The following ZNF398 variants were observed in gnomAD, a reference collection of about 807,000 sequenced individuals.
The protein encoded by ZNF398 is zinc finger DNA binding protein ZER6.
A neutral mutation model predicts 41.9 loss-of-function variants in ZNF398; 18 were observed. The ratio of observed to expected loss-of-function variants is 0.43; its 90% CI spans 0.30 to 0.64. ZNF398 has a LOEUF of 0.64. Among genes scored for constraint, ZNF398 ranks in the 30% least tolerant of loss-of-function variants. The pLI is 0.14. For synonymous variants in ZNF398, 260 were observed against 308.8 expected, an observed-to-expected ratio of 0.84 and a Z score of 1.66; for missense variants, 669 against 822.8, an observed-to-expected ratio of 0.81 and a Z score of 2.29.
At chr7:149,161,996 CTA>C (rs546780108) in intron 2 of ZNF398, among the ~76,000 whole-genome samples, 1 of 152,076 alleles carries the variant, frequency 6.6e-6, no homozygotes, top group South Asian at 2.1e-4. Context: ...GAAAAAAACT[CTA>C]AAATTTGAAT....
intron 2 of ZNF398, among the ~76,000 whole-genome samples, chr7:149,140,708 T>C (rs936934573): frequency 5.3e-5 from 8 of 151,820 alleles, no homozygotes; most frequent in African/African-American, 1.9e-4. Flanking sequence ...TAGAAACGAA[T>C]GTTTAACAAT....
At chr7:149,169,129 C>T (rs766774960) in intron 4 of ZNF398, among the ~76,000 whole-genome samples, 4 of 152,140 alleles carry the variant, frequency 2.6e-5, no homozygotes, top group South Asian at 4.1e-4. Context: ...TTTGTGATAA[C>T]GTATCAAAGT....
exon 1 of ZNF398, chr7:149,126,528 A>T (rs1462884456): frequency 2.1e-6 from 1 of 484,748 alleles, no homozygotes; most frequent in Non-Finnish European, 3.6e-6. Flanking sequence ...CGAAGACGAG[A>T]TGAGGGAGCT....
upstream of ZNF398, among the ~76,000 whole-genome samples, chr7:149,146,571 G>A (rs1826947642): frequency 6.6e-6 from 1 of 151,480 alleles, no homozygotes; most frequent in African/African-American, 2.4e-5. Flanking sequence ...AAATAAGGCC[G>A]GGCGCAATGG....
At chr7:149,168,643 A>G (rs537923325) in intron 4 of ZNF398, among the ~76,000 whole-genome samples, 3 of 152,128 alleles carry the variant, frequency 2.0e-5, no homozygotes, top group Non-Finnish European at 4.4e-5. Context: ...ATCCTGGCTC[A>G]CTGCAACCTC....
At chr7:149,165,119 G>GAAA (rs934805814) in intron 2 of ZNF398, among the ~76,000 whole-genome samples, 1 of 150,892 alleles carries the variant, frequency 6.6e-6, no homozygotes, top group African/African-American at 2.4e-5. Flanking sequence ...AAGAAAGAAA[G>GAAA]AAAATGCAGA....
At chr7:149,137,593 G>T (rs1054446291) in intron 2 of ZNF398, among the ~76,000 whole-genome samples, 12 of 152,018 alleles carry the variant, frequency 7.9e-5, no homozygotes, top group African/African-American at 2.9e-4. Flanking sequence ...TATTGGTCAG[G>T]CTGGTCTTGA....
chr7:149,143,137 T>A (rs1319507185), upstream of ZNF398, among the ~76,000 whole-genome samples: 1 of 90,660 alleles, frequency 1.1e-5, no homozygotes, highest in African/African-American at 3.5e-5. Context: ...CGAGACTCCA[T>A]CTCAAAAAAG....
intron 4 of ZNF398, among the ~76,000 whole-genome samples, chr7:149,167,846 C>T (rs985619932): frequency 1.2e-4 from 18 of 151,820 alleles, no homozygotes; most frequent in Admixed American, 9.8e-4. Flanking sequence ...CTCCTGACCT[C>T]GTGATCCACC....
At chr7:149,177,884 C>T (rs1332429976) in intron 5 of ZNF398, among the ~76,000 whole-genome samples, 1 of 152,176 alleles carries the variant, frequency 6.6e-6, no homozygotes, top group African/African-American at 2.4e-5. Context: ...TGTGGTGGCT[C>T]ATGCCTGTAA....
At chr7:149,143,234 G>A (rs1213553660), upstream of ZNF398, among the ~76,000 whole-genome samples, 1 of 152,200 alleles carries the variant, frequency 6.6e-6, no homozygotes, top group African/African-American at 2.4e-5. Flanking sequence ...GCAAGGTGGT[G>A]CAATTATTAC....
chr7:149,167,634 CT>C (rs1163487497), intron 4 of ZNF398, among the ~76,000 whole-genome samples: 150 of 133,954 alleles, frequency 1.1e-3, no homozygotes, highest in East Asian at 2.7e-3. Context: ...TTTTTCTTTT[CT>C]TTTTTTTTTT....
chr7:149,165,891 A>G (rs1218863421), intron 2 of ZNF398, among the ~76,000 whole-genome samples: 1 of 152,198 alleles, frequency 6.6e-6, no homozygotes, highest in Non-Finnish European at 1.5e-5. Context: ...TAGATATTTT[A>G]TTACTGCTTA....
At chr7:149,159,726 A>G (rs1403531635) in intron 2 of ZNF398, among the ~76,000 whole-genome samples, 1 of 152,028 alleles carries the variant, frequency 6.6e-6, no homozygotes, top group Non-Finnish European at 1.5e-5. Context: ...AAAAAAAAAA[A>G]AAATTTTTTT....
At chr7:149,149,294 C>T (rs542589867) in intron 1 of ZNF398, among the ~76,000 whole-genome samples, 1 of 152,144 alleles carries the variant, frequency 6.6e-6, no homozygotes, top group Non-Finnish European at 1.5e-5. Flanking sequence ...AGTGCAGTGG[C>T]GCCATCTGGG....
At chr7:149,148,431 G>C (rs921214057) in intron 1 of ZNF398, 4 of 985,436 alleles carry the variant, frequency 4.1e-6, no homozygotes, top group Non-Finnish European at 4.8e-6. Flanking sequence ...AGAATGAGAA[G>C]GGGACGGTCA....
At chr7:149,150,691 T>TCCCCGCCTCCCGCGCCC (rs141810955) in intron 1 of ZNF398, among the ~76,000 whole-genome samples, 5 of 151,818 alleles carry the variant, frequency 3.3e-5, no homozygotes, top group African/African-American at 1.2e-4. Flanking sequence ...AGGTGATTCT[T>TCCCCGCCTCCCGCGCCC]CCCCGCCTCC....
At chr7:149,154,687 A>G (rs912045361) in intron 2 of ZNF398, among the ~76,000 whole-genome samples, 2 of 152,106 alleles carry the variant, frequency 1.3e-5, no homozygotes, top group African/African-American at 2.4e-5. Flanking sequence ...AGGAGACTAC[A>G]TAAATATTCT....
At chr7:149,157,196 A>G (rs1295306007) in intron 2 of ZNF398, among the ~76,000 whole-genome samples, 1 of 152,020 alleles carries the variant, frequency 6.6e-6, no homozygotes, top group Non-Finnish European at 1.5e-5. Flanking sequence ...TAGGTTTGAA[A>G]TGCCTGTGAT....
Sources: allele counts gnomAD v4.1 joint callset (sites outside exome capture counted in the v4.1 genomes callset), GRCh38; gene constraint gnomAD v4.1.1; transcripts MANE v1.5; gene names NCBI Gene and HGNC (gene_info 2026-07-23, HGNC 2026-07-21).